The following SLC24A2 variants were observed in gnomAD, a reference collection of about 807,000 sequenced individuals.
SLC24A2 encodes the protein sodium/potassium/calcium exchanger 2.
Under a neutral mutation model 62.0 loss-of-function variants are expected in SLC24A2, and 36 were observed. The observed-to-expected ratio is 0.58, with a 90% CI of 0.44 to 0.77. The LOEUF (loss-of-function observed/expected upper bound fraction) is 0.77, where lower values mean the gene tolerates loss of function less well. Ranked by LOEUF, SLC24A2 falls within the 30% of genes least tolerant of loss-of-function variation. The probability of loss-of-function intolerance (pLI) is 0.00; values close to 1 mark genes in which losing one functional copy is unlikely to be tolerated. For missense variants in SLC24A2, 846 were observed against 817.9 expected (o/e 1.03, Z -0.42); for synonymous variants, 358 against 294.0 (o/e 1.22, Z -2.23).
At chr9:20,058,228 T>C in the SLC24A2 span, among the ~76,000 whole-genome samples, 4 of 152,158 alleles carry the variant, frequency 2.6e-5, no homozygotes, top group South Asian at 2.1e-4. Context: ...CTTAATTGAA[T>C]AGAAGTCAGA....
the SLC24A2 span, among the ~76,000 whole-genome samples, chr9:20,067,879 T>C: frequency 6.6e-6 from 1 of 152,128 alleles, no homozygotes; most frequent in Non-Finnish European, 1.5e-5. Flanking sequence ...TGTAACTATC[T>C]ATTTTCCTTT....
chr9:20,200,273 G>A, the SLC24A2 span, among the ~76,000 whole-genome samples: 90 of 152,104 alleles, frequency 5.9e-4, no homozygotes, highest in African/African-American at 4.8e-5. Context: ...CAAACACTGC[G>A]GGACACTTTC....
chr9:20,198,935 T>C, the SLC24A2 span, among the ~76,000 whole-genome samples: 2 of 152,172 alleles, frequency 1.3e-5, no homozygotes, highest in African/African-American at 4.8e-5. Context: ...AAAAGGGGTG[T>C]GGATCAGGCT....
chr9:20,179,355 T>G, the SLC24A2 span, among the ~76,000 whole-genome samples: 2 of 152,148 alleles, frequency 1.3e-5, no homozygotes, highest in African/African-American at 4.8e-5. Context: ...AAGTCCCACA[T>G]GCCCCAATCG....
At chr9:20,160,724 C>A in the SLC24A2 span, among the ~76,000 whole-genome samples, 1 of 150,688 alleles carries the variant, frequency 6.6e-6, no homozygotes, top group Middle Eastern at 3.4e-3. Context: ...TGATAAAAAC[C>A]TACGTATTAG....
At chr9:20,016,146 A>T in the SLC24A2 span, among the ~76,000 whole-genome samples, 1 of 152,206 alleles carries the variant, frequency 6.6e-6, no homozygotes, top group Non-Finnish European at 1.5e-5. Context: ...GATCATTGTT[A>T]TCTTAGCTAT....
chr9:20,245,955 T>C, the SLC24A2 span, among the ~76,000 whole-genome samples: 1 of 152,144 alleles, frequency 6.6e-6, no homozygotes, highest in East Asian at 1.9e-4. Context: ...TAGCCTAAGG[T>C]CACCAATTAG....
chr9:19,566,514 G>C (rs1341023874), intron 7 of SLC24A2, among the ~76,000 whole-genome samples: 1 of 151,282 alleles, frequency 6.6e-6, no homozygotes, highest in African/African-American at 2.4e-5. Flanking sequence ...ACTGTTGGTG[G>C]GACTGTAAAC....
chr9:19,976,077 T>A, the SLC24A2 span, among the ~76,000 whole-genome samples: 1 of 152,054 alleles, frequency 6.6e-6, no homozygotes, highest in African/African-American at 2.4e-5. Context: ...GGTAACAGAG[T>A]CTTGCCATGT....
At chr9:19,816,624 C>T in the SLC24A2 span, among the ~76,000 whole-genome samples, 2 of 152,096 alleles carry the variant, frequency 1.3e-5, no homozygotes, top group Non-Finnish European at 2.9e-5. Context: ...AAGCATAGCA[C>T]TGGCATCTCA....
At chr9:19,655,855 T>C (rs1210322182) in intron 2 of SLC24A2, among the ~76,000 whole-genome samples, 1 of 152,156 alleles carries the variant, frequency 6.6e-6, no homozygotes, top group Non-Finnish European at 1.5e-5. Context: ...CAGAGGCTGC[T>C]GAGATTGACT....
the SLC24A2 span, among the ~76,000 whole-genome samples, chr9:19,853,130 T>G: frequency 6.6e-6 from 1 of 152,192 alleles, no homozygotes; most frequent in African/African-American, 2.4e-5. Context: ...CTGTTGTTGG[T>G]GTATAGGAAT....
At chr9:20,248,244 T>C in the SLC24A2 span, among the ~76,000 whole-genome samples, 2 of 152,156 alleles carry the variant, frequency 1.3e-5, no homozygotes, top group African/African-American at 4.8e-5. Flanking sequence ...CCACCAGATC[T>C]CCAACATGGA....
chr9:20,177,481 A>G, the SLC24A2 span, among the ~76,000 whole-genome samples: 4 of 152,006 alleles, frequency 2.6e-5, no homozygotes, highest in Non-Finnish European at 5.9e-5. Flanking sequence ...AGCACAAATG[A>G]CCCTTTTTCT....
the SLC24A2 span, among the ~76,000 whole-genome samples, chr9:19,844,298 G>A: frequency 6.6e-6 from 1 of 152,050 alleles, no homozygotes; most frequent in African/African-American, 2.4e-5. Context: ...TCATATGTTT[G>A]TTGGCTGCTT....
At chr9:19,559,142 C>T (rs1238447765) in intron 7 of SLC24A2, among the ~76,000 whole-genome samples, 1 of 152,074 alleles carries the variant, frequency 6.6e-6, no homozygotes, top group Non-Finnish European at 1.5e-5. Context: ...ACAAATGTTA[C>T]TTAATTAAAG....
chr9:19,900,740 A>C, the SLC24A2 span, among the ~76,000 whole-genome samples: 2 of 152,206 alleles, frequency 1.3e-5, no homozygotes, highest in Non-Finnish European at 2.9e-5. Context: ...TTCTATCATG[A>C]TCTTTATTGT....
At chr9:20,176,450 T>C in the SLC24A2 span, among the ~76,000 whole-genome samples, 2 of 152,042 alleles carry the variant, frequency 1.3e-5, no homozygotes, top group African/African-American at 4.8e-5. Context: ...AAAAGAGAAG[T>C]CAATAAAGGT....
the SLC24A2 span, among the ~76,000 whole-genome samples, chr9:20,278,411 T>G: frequency 8.3e-4 from 127 of 152,254 alleles, no homozygotes; most frequent in African/African-American, 3.0e-3. Context: ...AGACACATCT[T>G]GAATGCTTTG....
Sources: gnomAD v4.1 joint callset for allele counts (sites outside exome capture counted in the v4.1 genomes callset) on GRCh38, gnomAD v4.1.1 for gene constraint, MANE v1.5 for transcripts, NCBI Gene and HGNC (gene_info 2026-07-23, HGNC 2026-07-21) for gene names.